The following ANGPT1 variants were observed in gnomAD, a reference collection of about 807,000 sequenced individuals.
The protein encoded by ANGPT1 is angiopoietin 1.
ANGPT1 carries 17 observed loss-of-function variants against 62.2 expected under a neutral mutation model. That is an observed-to-expected ratio of 0.27 (90% CI 0.19 to 0.41). The LOEUF (loss-of-function observed/expected upper bound fraction) is 0.41. Ranked by LOEUF, ANGPT1 falls within the 10% of genes least tolerant of loss-of-function variation. The probability of loss-of-function intolerance (pLI) is 1.00; values close to 1 mark genes in which losing one functional copy is unlikely to be tolerated. For missense variants in ANGPT1, 478 were observed against 594.9 expected (o/e 0.80, Z 2.04); for synonymous variants, 199 against 198.9 (o/e 1.00, Z 0.00).
chr8:107,392,202 A>C (rs1034109443), intron 1 of ANGPT1, among the ~76,000 whole-genome samples: 13 of 152,198 alleles, frequency 8.5e-5, no homozygotes, highest in Non-Finnish European at 1.5e-5. Context: ...ATATAATTAT[A>C]TGAATACTGG....
intron 1 of ANGPT1, among the ~76,000 whole-genome samples, chr8:107,455,498 T>C (rs1366339400): frequency 6.6e-6 from 1 of 152,046 alleles, no homozygotes; most frequent in South Asian, 2.1e-4. Context: ...CCTGGCAATG[T>C]GGTGAATAAG....
At chr8:107,485,528 A>G (rs1041817624) in intron 1 of ANGPT1, among the ~76,000 whole-genome samples, 4 of 152,198 alleles carry the variant, frequency 2.6e-5, no homozygotes, top group Non-Finnish European at 5.9e-5. Flanking sequence ...AGACAAAACG[A>G]GAGGAAGAAC....
intron 5 of ANGPT1, among the ~76,000 whole-genome samples, chr8:107,300,641 G>A (rs1030488892): frequency 2.0e-5 from 3 of 151,844 alleles, no homozygotes; most frequent in Non-Finnish European, 4.4e-5. Context: ...ATTCAGCAGT[G>A]ATAAAATTTG....
chr8:107,347,026 G>A lies in ANGPT1; in HGVS notation c.369C>T (p.His123=), dbSNP rs878882562. 2.2e-5 allele frequency: 35 copies of A among 1,613,810 alleles called. No homozygotes were observed. The highest frequency in any genetic ancestry group is 2.8e-5 in the Non-Finnish European group (33 of 1,179,906). Residue 123 remains histidine (H), a synonymous_variant, in exon 2 of 9, where the codon CAC becomes CAT. Transcript: ENST00000517746. The part of the protein sequence containing the change: ...AQIQQNAVQN[H]TATMLEIGTS... ...TTCCTATCTCCAGCATGGTAGCCGTGTGGTTCTGAACTGCATTCTGCTGTA... is the reference window on the plus strand; with the variant it reads ...TTCCTATCTCCAGCATGGTAGCCGTATGGTTCTGAACTGCATTCTGCTGTA...
chr8:107,253,835 T>C (rs1463500716), intron 8 of ANGPT1, among the ~76,000 whole-genome samples: 1 of 152,188 alleles, frequency 6.6e-6, no homozygotes, highest in Non-Finnish European at 1.5e-5. Flanking sequence ...AGTAAGAGCC[T>C]GTGAGAGAGT....
chr8:107,286,957 G>T (rs1814156544), intron 6 of ANGPT1, among the ~76,000 whole-genome samples: 1 of 152,138 alleles, frequency 6.6e-6, no homozygotes, highest in South Asian at 2.1e-4. Flanking sequence ...GTTACAGGAG[G>T]CTGAAAGTCA....
At chr8:107,279,058 G>A (rs974249812) in intron 7 of ANGPT1, among the ~76,000 whole-genome samples, 17 of 152,112 alleles carry the variant, frequency 1.1e-4, no homozygotes, top group African/African-American at 4.1e-4. Context: ...CGACTCCAGA[G>A]CTCCTTCCAG....
intron 7 of ANGPT1, among the ~76,000 whole-genome samples, chr8:107,279,015 C>T (rs1478911187): frequency 6.6e-6 from 1 of 152,134 alleles, no homozygotes; most frequent in Non-Finnish European, 1.5e-5. Flanking sequence ...GGTGGTAGAG[C>T]CAGATTTCTT....
intron 1 of ANGPT1, among the ~76,000 whole-genome samples, chr8:107,411,850 A>G (rs1810592712): frequency 6.6e-6 from 1 of 152,080 alleles, no homozygotes; most frequent in Non-Finnish European, 1.5e-5. Flanking sequence ...TCTTTCTTCT[A>G]TAATCTGCAG....
chr8:107,477,845 T>G (rs551931325), intron 1 of ANGPT1, among the ~76,000 whole-genome samples: 3 of 152,292 alleles, frequency 2.0e-5, no homozygotes, highest in African/African-American at 7.2e-5. Context: ...CCGACCCAAT[T>G]TCTTTCTCTG....
chr8:107,353,037 AT>A (rs1815966473), intron 1 of ANGPT1, among the ~76,000 whole-genome samples: 1 of 152,146 alleles, frequency 6.6e-6, no homozygotes. Flanking sequence ...CCAATATACT[AT>A]TTCTTTTATG....
chr8:107,356,695 G>A (rs1816053971), intron 1 of ANGPT1, among the ~76,000 whole-genome samples: 1 of 152,356 alleles, frequency 6.6e-6, no homozygotes, highest in Non-Finnish European at 1.5e-5. Context: ...GAGCATGCAA[G>A]GAGCTGTGCT....
intron 1 of ANGPT1, among the ~76,000 whole-genome samples, chr8:107,381,664 G>T (rs1816639660): frequency 6.6e-6 from 1 of 152,096 alleles, no homozygotes; most frequent in African/African-American, 2.4e-5. Flanking sequence ...ATCTTTCAAG[G>T]GAATCCCTGC....
intron 4 of ANGPT1, among the ~76,000 whole-genome samples, chr8:107,310,234 T>C (rs112469896): frequency 1.1e-4 from 17 of 152,198 alleles, no homozygotes; most frequent in Admixed American, 1.3e-4. Context: ...ACATGCTTCA[T>C]TTTGTTCAAT....
At chr8:107,451,785 G>C (rs1259993211) in intron 1 of ANGPT1, among the ~76,000 whole-genome samples, 1 of 151,872 alleles carries the variant, frequency 6.6e-6, no homozygotes, top group East Asian at 1.9e-4. Flanking sequence ...ACTGACCTGA[G>C]TATCAGGGAA....
rs116177727 is a variant in ANGPT1 at position 107,366,428 on chromosome 8, A to G, written c.298-19331T>C. On this transcript the variant is annotated intron_variant, in intron 1 of 8. Coordinates refer to ENST00000517746, the MANE Select transcript of ANGPT1 (RefSeq NM_001146.5). The stretch of plus-strand genomic sequence containing the variant: ...ACAGAATTCTGGTTAAATTAGCACA[A>G]AAGTATCTCTGTACAATTAAAAAAA... Among the ~76,000 whole-genome samples, 555 of 152,326 alleles carry G rather than the reference A, an allele frequency of 3.6e-3. 5 individuals carry two copies. Among genetic ancestry groups the G allele is most frequent in the African/African-American group, 0.013 (534 of 41,566 alleles).
At chr8:107,313,727 GCCA>G (rs959394812) in intron 4 of ANGPT1, among the ~76,000 whole-genome samples, 4 of 151,918 alleles carry the variant, frequency 2.6e-5, no homozygotes, top group Non-Finnish European at 5.9e-5. Flanking sequence ...ACAGGCGTGA[GCCA>G]CCACGACTGG....
chr8:107,283,007 GCACACACACA>G (rs143778406), intron 7 of ANGPT1, among the ~76,000 whole-genome samples: 1 of 150,408 alleles, frequency 6.6e-6, no homozygotes, highest in Non-Finnish European at 1.5e-5. Context: ...GCATGTGTAT[GCACACACACA>G]CACACACATG....
At chr8:107,457,087 C>T (rs1045357281) in intron 1 of ANGPT1, among the ~76,000 whole-genome samples, 6 of 151,982 alleles carry the variant, frequency 3.9e-5, no homozygotes, top group African/African-American at 9.7e-5. Context: ...AACTATGTGG[C>T]TGATATCATA....
Sources: gnomAD v4.1 joint callset for allele counts (sites outside exome capture counted in the v4.1 genomes callset) on GRCh38, gnomAD v4.1.1 for gene constraint, MANE v1.5 for transcripts, NCBI Gene and HGNC (gene_info 2026-07-23, HGNC 2026-07-21) for gene names.